TRAPPC12: variants seen among roughly 807,000 people sequenced by gnomAD.
TRAPPC12 encodes trafficking protein particle complex subunit 12.
TRAPPC12 carries 61 observed loss-of-function variants against 69.2 expected under a neutral mutation model. That is an observed-to-expected ratio of 0.88 (90% CI 0.72 to 1.09). The LOEUF is 1.09. Ranked by LOEUF, TRAPPC12 falls within the 50% of genes least tolerant of loss-of-function variation. The probability of loss-of-function intolerance (pLI) is 0.00; values close to 1 mark genes in which losing one functional copy is unlikely to be tolerated. For missense variants in TRAPPC12, 1,101 were observed against 1,016.4 expected (o/e 1.08, Z -1.13); for synonymous variants, 469 against 438.9 (o/e 1.07, Z -0.86).
intron 5 of TRAPPC12, among the ~76,000 whole-genome samples, chr2:3,425,391 G>A (rs1663044061): frequency 6.6e-6 from 1 of 152,228 alleles, no homozygotes; most frequent in African/African-American, 2.4e-5. Flanking sequence ...ACGCCCTGTT[G>A]TCAGGCATCC....
chr2:3,401,612 C>G (rs1376086048), intron 2 of TRAPPC12, among the ~76,000 whole-genome samples, 165 bp from the exon 3 acceptor site: 1 of 152,148 alleles, frequency 6.6e-6, no homozygotes, highest in African/African-American at 2.4e-5. Flanking sequence ...AACGATTGTG[C>G]TAATTTAGCT....
chr2:3,469,719 C>G (rs139714633), intron 9 of TRAPPC12, among the ~76,000 whole-genome samples: 19 of 152,310 alleles, frequency 1.2e-4, no homozygotes, highest in Non-Finnish European at 1.9e-4. Context: ...CTCTGGGGGC[C>G]CAGGCTGCGG....
At chr2:3,416,007 C>G (rs997477216) in intron 3 of TRAPPC12, among the ~76,000 whole-genome samples, 1 of 152,164 alleles carries the variant, frequency 6.6e-6, no homozygotes, top group Non-Finnish European at 1.5e-5. Context: ...TGAGCCACCA[C>G]GCCTGGCCCA....
chr2:3,459,964 G>T, intron 7 of TRAPPC12: 2 of 484,642 alleles, frequency 4.1e-6, no homozygotes, highest in Non-Finnish European at 3.7e-6. Flanking sequence ...TTCTGGCTTT[G>T]GAAACGGGGC....
intron 9 of TRAPPC12, chr2:3,466,541 T>G (rs1315985766): frequency 2.5e-6 from 1 of 397,022 alleles, no homozygotes; most frequent in Non-Finnish European, 5.3e-6. Flanking sequence ...ACAGGGCCTC[T>G]GTGAACTCAG....
At chr2:3,416,179 T>G (rs1237152425) in intron 3 of TRAPPC12, among the ~76,000 whole-genome samples, 2 of 152,154 alleles carry the variant, frequency 1.3e-5, no homozygotes, top group African/African-American at 4.8e-5. Flanking sequence ...TCCTCTTAGG[T>G]GCTTAGTAGA....
At chr2:3,383,959 G>A (rs955910604) in intron 1 of TRAPPC12, among the ~76,000 whole-genome samples, 10 of 131,284 alleles carry the variant, frequency 7.6e-5, no homozygotes, top group Admixed American at 1.8e-4. Flanking sequence ...ACAGTGGTGC[G>A]ATCTCGGCTC....
chr2:3,401,666 C>G, intron 2 of TRAPPC12, 111 bp from the exon 3 acceptor site: 1 of 586,312 alleles, frequency 1.7e-6, no homozygotes. Flanking sequence ...GTTACTTTTA[C>G]CTCCACAAGC....
intron 2 of TRAPPC12, among the ~76,000 whole-genome samples, chr2:3,391,961 A>G (rs915901523): frequency 2.0e-5 from 3 of 152,106 alleles, no homozygotes; most frequent in Non-Finnish European, 4.4e-5. Context: ...ACTGTAACTC[A>G]GAGGAAATCT....
chr2:3,477,765 T>C lies in TRAPPC12; in HGVS notation c.1847T>C (p.Leu616Pro). The C allele has an allele frequency of 6.2e-7, 1 of 1,604,276 alleles. No homozygotes were observed. The highest frequency in any genetic ancestry group is 1.1e-5 in the South Asian group (1 of 89,226). Residue 616 changes from leucine to proline, a missense_variant, in exon 10 of 12, where the codon CTA becomes CCA. Transcript: ENST00000324266. ...VEKVTQKLDG[L>P]QGKIMVLMNS... Reference sequence around the variant, plus strand: ...AAAGTAACACAGAAATTAGATGGACTACAGGGTAAAATCATGGTTTTGATG... The same window carrying C: ...AAAGTAACACAGAAATTAGATGGACCACAGGGTAAAATCATGGTTTTGATG...
At chr2:3,468,453 G>A (rs1665921070) in intron 9 of TRAPPC12, among the ~76,000 whole-genome samples, 4 of 152,058 alleles carry the variant, frequency 2.6e-5, no homozygotes. Context: ...GCCGTGAGCA[G>A]TCATCATCGT....
At chr2:3,425,683 T>A (rs1663064127) in intron 5 of TRAPPC12, among the ~76,000 whole-genome samples, 1 of 152,204 alleles carries the variant, frequency 6.6e-6, no homozygotes, top group Admixed American at 6.5e-5. Flanking sequence ...CAGCATTTGT[T>A]GGCTGCAGCA....
intron 9 of TRAPPC12, among the ~76,000 whole-genome samples, chr2:3,469,108 G>A (rs1046495294): frequency 1.3e-4 from 20 of 152,318 alleles, no homozygotes; most frequent in African/African-American, 4.3e-4. Flanking sequence ...GTTCAGCCAC[G>A]GTTAGATTCT....
At chr2:3,432,278 A>G (rs895955437) in intron 5 of TRAPPC12, among the ~76,000 whole-genome samples, 3 of 152,338 alleles carry the variant, frequency 2.0e-5, no homozygotes, top group African/African-American at 7.2e-5. Flanking sequence ...CATCAGGTCA[A>G]ATTAAAGTGG....
chr2:3,447,914 TG>T (rs2103110198), intron 6 of TRAPPC12, among the ~76,000 whole-genome samples: 1 of 152,242 alleles, frequency 6.6e-6, no homozygotes, highest in South Asian at 2.1e-4. Context: ...AAACTAAGGA[TG>T]TGTTAGTGAG....
At chr2:3,423,856 C>T (rs1403607660) in intron 4 of TRAPPC12, among the ~76,000 whole-genome samples, 2 of 152,140 alleles carry the variant, frequency 1.3e-5, no homozygotes, top group Non-Finnish European at 2.9e-5. Context: ...ATGCAAATTC[C>T]CACCATTTTC....
intron 3 of TRAPPC12, among the ~76,000 whole-genome samples, chr2:3,409,882 C>A (rs1007673129): frequency 1.3e-5 from 2 of 152,108 alleles, no homozygotes; most frequent in Non-Finnish European, 2.9e-5. Flanking sequence ...GTCACGTCTG[C>A]CCTGAATTGC....
intron 6 of TRAPPC12, among the ~76,000 whole-genome samples, chr2:3,452,386 C>A (rs1322757023): frequency 6.6e-6 from 1 of 152,226 alleles, no homozygotes. Flanking sequence ...TAAGTCCAGG[C>A]CACACGCAAG....
At chr2:3,450,198 G>A (rs758827984) in intron 6 of TRAPPC12, among the ~76,000 whole-genome samples, 1 of 152,200 alleles carries the variant, frequency 6.6e-6, no homozygotes, top group Non-Finnish European at 1.5e-5. Context: ...TGAACTCGAA[G>A]GCCATAGCCC....
Sources: gnomAD v4.1 joint callset for allele counts (sites outside exome capture counted in the v4.1 genomes callset) on GRCh38, gnomAD v4.1.1 for gene constraint, MANE v1.5 for transcripts, NCBI Gene and HGNC (gene_info 2026-07-23, HGNC 2026-07-21) for gene names.